KATNA1: variants seen among roughly 807,000 people sequenced by gnomAD.
The protein encoded by KATNA1 is katanin catalytic subunit A1, also known as katanin p60 ATPase-containing subunit A1.
A neutral mutation model predicts 62.6 loss-of-function variants in KATNA1; 42 were observed. That is an observed-to-expected ratio of 0.67 (90% confidence interval 0.52 to 0.87). The LOEUF (loss-of-function observed/expected upper bound fraction) is 0.87. Among genes scored for constraint, KATNA1 ranks in the 40% least tolerant of loss-of-function variants. The probability of loss-of-function intolerance (pLI) is 0.00; values close to 1 mark genes in which losing one functional copy is unlikely to be tolerated. For synonymous variants in KATNA1, 186 were observed against 201.9 expected (o/e 0.92, Z 0.67); for missense variants, 498 against 612.5 (o/e 0.81, Z 1.97).
chr6:149,635,365 AT>A (rs1780028214), intron 2 of KATNA1, among the ~76,000 whole-genome samples: 1 of 152,244 alleles, frequency 6.6e-6, no homozygotes, highest in South Asian at 2.1e-4. Flanking sequence ...ATATATGGTG[AT>A]GGTTGTACAT....
chr6:149,620,810 CA>C (rs1183976106), intron 4 of KATNA1, among the ~76,000 whole-genome samples: 1 of 150,970 alleles, frequency 6.6e-6, no homozygotes, highest in Admixed American at 6.6e-5. Context: ...AAATAACAAA[CA>C]AAAATTTTTA....
At chr6:149,621,186 C>T (rs1344469154) in intron 4 of KATNA1, among the ~76,000 whole-genome samples, 1 of 149,118 alleles carries the variant, frequency 6.7e-6, no homozygotes, top group African/African-American at 2.5e-5. Flanking sequence ...TGCAGTGGCG[C>T]GATCTTAGGT....
At chr6:149,610,675 T>TA (rs1380658640) in intron 4 of KATNA1, among the ~76,000 whole-genome samples, 1 of 152,080 alleles carries the variant, frequency 6.6e-6, no homozygotes, top group Non-Finnish European at 1.5e-5. Flanking sequence ...AGATACAACT[T>TA]ATCAAAATTT....
intron 3 of KATNA1, among the ~76,000 whole-genome samples, chr6:149,623,914 A>G (rs1031890153): frequency 6.6e-6 from 1 of 152,188 alleles, no homozygotes; most frequent in Non-Finnish European, 1.5e-5. Flanking sequence ...AAACTGAAAA[A>G]AAATTATCAG....
chr6:149,608,190 C>T (rs543040986), intron 4 of KATNA1, among the ~76,000 whole-genome samples: 50 of 152,252 alleles, frequency 3.3e-4, no homozygotes, highest in Non-Finnish European at 6.6e-4. Flanking sequence ...GAAGATGGAG[C>T]ATACTTTTCA....
rs1778403064 is a variant in KATNA1 at position 149,598,254 on chromosome 6, C to G, written c.985G>C (p.Val329Leu). Residue 329 changes from valine to leucine, a missense_variant, in exon 8 of 11, where the codon GTG becomes CTG. Val to Leu is a conservative substitution (Grantham distance 32). Transcript: ENST00000367411. Reference sequence around the variant, plus strand: ...ATCTGAACCAGCAGCTCCGCTTTCACCCTTCTGCTTGCTTCATGTTCTTCA... The same window carrying G: ...ATCTGAACCAGCAGCTCCGCTTTCAGCCTTCTGCTTGCTTCATGTTCTTCA... ...TSEEHEASRR[V>L]KAELLVQMDG... is the part of the protein sequence containing the mutation. 1 of 1,613,862 alleles carries G rather than the reference C, an allele frequency of 6.2e-7. No individual in the cohort carries two copies.
At chr6:149,618,311 C>T (rs895845100) in intron 4 of KATNA1, among the ~76,000 whole-genome samples, 2 of 151,550 alleles carry the variant, frequency 1.3e-5, no homozygotes, top group African/African-American at 4.9e-5. Flanking sequence ...AACCCCGTCT[C>T]TACTAAAAAT....
intron 4 of KATNA1, among the ~76,000 whole-genome samples, chr6:149,618,497 G>T (rs1052057923): frequency 7.9e-5 from 12 of 151,932 alleles, no homozygotes; most frequent in African/African-American, 2.4e-4. Context: ...ATAAAAAAAA[G>T]AAATAGAAAA....
At chr6:149,595,659 G>GT (rs1778276576) in intron 10 of KATNA1, among the ~76,000 whole-genome samples, 1 of 150,104 alleles carries the variant, frequency 6.7e-6, no homozygotes, top group African/African-American at 2.5e-5. Context: ...TCTCATTTGT[G>GT]TTAAAAAAAA....
chr6:149,623,181 T>C lies in KATNA1; in HGVS notation c.423A>G (p.Ala141=). The C allele has an allele frequency of 1.2e-6, 2 of 1,613,832 alleles. No homozygotes were observed. Among genetic ancestry groups the C allele is most frequent in the Non-Finnish European group, 1.7e-6 (2 of 1,179,792 alleles). ...STTVRVHRSS[A]QNVHNDRGKA... is the part of the protein sequence containing the mutation. The stretch of plus-strand genomic sequence containing the variant: ...TCCCTCTGTCATTGTGAACATTCTG[T>C]GCAGATGAACGGTGAACTCTGACAG... Residue 141 remains alanine (A), a synonymous_variant, in exon 4 of 11, where the codon GCA becomes GCG. Transcript: ENST00000367411.
In KATNA1 at chr6:149,643,688, CT is replaced by C. The variant is rs760035804; in HGVS notation, c.-14+4780del. On this transcript the variant is annotated intron_variant, in intron 1 of 10. Coordinates refer to ENST00000367411, the MANE Select transcript of KATNA1 (RefSeq NM_007044.4). ...GACTGAATACTGCCTAGTTGTTGTC[CT>C]TTTTTTTTTTTTTGAGACAGGGTCT... Among the ~76,000 whole-genome samples, 1,206 of 142,596 alleles carry C rather than the reference CT, an allele frequency of 8.5e-3. 8 individuals carry two copies. The highest frequency in any genetic ancestry group is 0.019 in the African/African-American group (748 of 39,180). The allele number at this position is 142,596 out of a possible 152,430, so 93.5% of individuals were successfully genotyped here.
At chr6:149,600,770 T>TAAAA (rs386408910) in intron 7 of KATNA1, among the ~76,000 whole-genome samples, 20 of 108,362 alleles carry the variant, frequency 1.8e-4, no homozygotes, top group East Asian at 1.1e-3. Flanking sequence ...ACCCCATCTG[T>TAAAA]AAAAAAAAAA....
intron 4 of KATNA1, 60 bp downstream of exon 4, chr6:149,623,043 C>G (rs1779462688): frequency 1.6e-6 from 2 of 1,230,278 alleles, no homozygotes; most frequent in African/African-American, 3.1e-5. Flanking sequence ...TAAATTTGTA[C>G]AGTCTTCATT....
chr6:149,645,144 A>G (rs1481566648), intron 1 of KATNA1, among the ~76,000 whole-genome samples: 1 of 152,180 alleles, frequency 6.6e-6, no homozygotes, highest in Non-Finnish European at 1.5e-5. Flanking sequence ...GAAGAATTGA[A>G]TCCATTTGAA....
intron 7 of KATNA1, among the ~76,000 whole-genome samples, chr6:149,599,629 T>C (rs1778461640): frequency 6.6e-6 from 1 of 151,952 alleles, no homozygotes; most frequent in Admixed American, 6.6e-5. Flanking sequence ...GCAATTCTCC[T>C]GCCTCAGCCT....
At chr6:149,608,592 A>T (rs1177770764) in intron 4 of KATNA1, among the ~76,000 whole-genome samples, 1 of 152,232 alleles carries the variant, frequency 6.6e-6, no homozygotes, top group Non-Finnish European at 1.5e-5. Context: ...GGAAGCCTAC[A>T]GTGAGTTACC....
At chr6:149,625,072 T>C (rs925947953) in intron 3 of KATNA1, among the ~76,000 whole-genome samples, 1 of 152,046 alleles carries the variant, frequency 6.6e-6, no homozygotes, top group Non-Finnish European at 1.5e-5. Context: ...CACATAATGC[T>C]GAACATTAAG....
chr6:149,608,488 A>AC (rs1562284175), intron 4 of KATNA1, among the ~76,000 whole-genome samples: 2 of 151,736 alleles, frequency 1.3e-5, no homozygotes, highest in African/African-American at 4.8e-5. Flanking sequence ...AGACAGTAAC[A>AC]CTCTACTCCA....
At chr6:149,610,224 G>A (rs553101527) in intron 4 of KATNA1, among the ~76,000 whole-genome samples, 58 of 149,106 alleles carry the variant, frequency 3.9e-4, no homozygotes, top group African/African-American at 1.2e-3. Flanking sequence ...CCCTTGAGCC[G>A]AAGGAGTTCA....
Sources: gnomAD v4.1 joint callset for allele counts (sites outside exome capture counted in the v4.1 genomes callset) on GRCh38, gnomAD v4.1.1 for gene constraint, MANE v1.5 for transcripts, NCBI Gene and HGNC (gene_info 2026-07-23, HGNC 2026-07-21) for gene names.